TINAG: variants seen among roughly 807,000 people sequenced by gnomAD.
The protein encoded by TINAG is tubulointerstitial nephritis antigen.
TINAG carries 83 observed loss-of-function variants against 72.7 expected under a neutral mutation model. The observed-to-expected ratio is 1.14, with a 90% CI of 0.96 to 1.37. TINAG has a LOEUF of 1.37. TINAG is among the 40% of genes most tolerant of loss of function. The pLI is 0.00. For missense variants in TINAG, 685 were observed against 576.6 expected (o/e 1.19, Z -1.93); for synonymous variants, 234 against 189.9 (o/e 1.23, Z -1.91).
At chr6:54,356,031 T>C (rs1383759120) in intron 9 of TINAG, among the ~76,000 whole-genome samples, 1 of 151,876 alleles carries the variant, frequency 6.6e-6, no homozygotes, top group Non-Finnish European at 1.5e-5. Context: ...AAAGAAACAC[T>C]TTTCCATTTT....
At chr6:54,316,909 AT>A (rs1341295458) in intron 1 of TINAG, among the ~76,000 whole-genome samples, 7 of 152,106 alleles carry the variant, frequency 4.6e-5, no homozygotes, top group African/African-American at 1.7e-4. Context: ...CAAATATATT[AT>A]TTGCCTAATA....
upstream of TINAG, chr6:54,307,953 T>C: frequency 7.5e-7 from 1 of 1,342,158 alleles, no homozygotes; most frequent in Non-Finnish European, 1.0e-6. Context: ...AGCCTTGAAA[T>C]CAAAACGCTT....
chr6:54,320,242 A>C (rs1006291847), intron 1 of TINAG, among the ~76,000 whole-genome samples: 1 of 152,140 alleles, frequency 6.6e-6, no homozygotes, highest in Admixed American at 6.6e-5. Flanking sequence ...ACATGCCATA[A>C]ATCAATTCAA....
intron 4 of TINAG, among the ~76,000 whole-genome samples, chr6:54,340,335 T>C (rs1234981149): frequency 6.6e-6 from 1 of 151,952 alleles, no homozygotes; most frequent in African/African-American, 2.4e-5. Context: ...CTCAAGCCAG[T>C]GTCATTTTGG....
At chr6:54,380,994 T>TA (rs1763930292) in intron 10 of TINAG, among the ~76,000 whole-genome samples, 1 of 148,062 alleles carries the variant, frequency 6.8e-6, no homozygotes, top group East Asian at 2.0e-4. Flanking sequence ...TATATATATA[T>TA]TTATATGGCA....
intron 9 of TINAG, among the ~76,000 whole-genome samples, chr6:54,374,725 A>G (rs539111339): frequency 6.6e-6 from 1 of 152,038 alleles, no homozygotes; most frequent in Non-Finnish European, 1.5e-5. Context: ...ATTGACTTGA[A>G]GCCCATCTAG....
At chr6:54,328,063 G>A (rs1451062029) in intron 4 of TINAG, among the ~76,000 whole-genome samples, 1 of 152,138 alleles carries the variant, frequency 6.6e-6, no homozygotes. Context: ...AAATTTTCCT[G>A]TCTGCCAGAT....
At chr6:54,372,001 T>G (rs1475934622) in intron 9 of TINAG, among the ~76,000 whole-genome samples, 2 of 143,600 alleles carry the variant, frequency 1.4e-5, no homozygotes, top group African/African-American at 5.1e-5. Context: ...TTTTTTTTTT[T>G]TTTTTTTGAG....
chr6:54,369,754 T>C (rs1233600915), intron 9 of TINAG, among the ~76,000 whole-genome samples: 1 of 152,020 alleles, frequency 6.6e-6, no homozygotes, highest in Non-Finnish European at 1.5e-5. Flanking sequence ...TCAATCCTTA[T>C]GATTTAATTT....
intron 4 of TINAG, among the ~76,000 whole-genome samples, chr6:54,338,493 G>A (rs767488813): frequency 5.3e-5 from 8 of 151,932 alleles, no homozygotes; most frequent in Non-Finnish European, 8.8e-5. Context: ...AGGCCGAGGT[G>A]GGCGGATCAC....
chr6:54,322,544 A>G (rs1784516760), intron 3 of TINAG, among the ~76,000 whole-genome samples: 1 of 152,220 alleles, frequency 6.6e-6, no homozygotes, highest in South Asian at 2.1e-4. Context: ...AGAAAAGTGA[A>G]ATAATCTGGA....
chr6:54,343,378 A>G (rs1438255154), intron 5 of TINAG, 29 bp downstream of exon 5: 3 of 1,470,168 alleles, frequency 2.0e-6, no homozygotes, highest in African/African-American at 1.4e-5. Context: ...TTCCTTCCTT[A>G]TAAACTACTC....
chr6:54,386,550 C>T (rs1215667096), intron 10 of TINAG, among the ~76,000 whole-genome samples: 1 of 152,096 alleles, frequency 6.6e-6, no homozygotes, highest in Non-Finnish European at 1.5e-5. Flanking sequence ...ATGTGGCTCC[C>T]TCACACAGAG....
At chr6:54,355,121 A>C (rs1762994939) in intron 9 of TINAG, among the ~76,000 whole-genome samples, 1 of 151,922 alleles carries the variant, frequency 6.6e-6, no homozygotes, top group Non-Finnish European at 1.5e-5. Flanking sequence ...AATCTATGCA[A>C]GGGAAAGAAA....
intron 10 of TINAG, among the ~76,000 whole-genome samples, chr6:54,389,002 CCTTT>C (rs1239748895): frequency 6.6e-6 from 1 of 152,080 alleles, no homozygotes; most frequent in Non-Finnish European, 1.5e-5. Context: ...AATTTGCCCA[CCTTT>C]CTTTCCTGCT....
At chr6:54,381,103 T>C (rs187454478) in intron 10 of TINAG, among the ~76,000 whole-genome samples, 268 of 149,128 alleles carry the variant, frequency 1.8e-3, no homozygotes, top group African/African-American at 6.4e-3. Context: ...CGATAGGATA[T>C]ATATGTATAT....
rs3777657 is a variant in TINAG at position 54,314,972 on chromosome 6, A to T, written c.356-5607A>T. ...GACTATAAATGCTCCCATACAGATA[A>T]TTTTTTTTCTTTTGTTTTATCTTGC... On this transcript the variant is annotated intron_variant, in intron 1 of 10. Transcript: ENST00000259782. 9.9e-3 allele frequency among the ~76,000 whole-genome samples: 1,502 copies of T among 151,992 alleles called. 38 individuals are homozygous for T. Among genetic ancestry groups the T allele is most frequent in the East Asian group, 0.062 (321 of 5,158 alleles).
At chr6:54,309,851 A>AC (rs1471025803) in intron 1 of TINAG, among the ~76,000 whole-genome samples, 1 of 151,926 alleles carries the variant, frequency 6.6e-6, no homozygotes, top group Non-Finnish European at 1.5e-5. Context: ...TGTCAAAAAA[A>AC]AAAAAAAAAT....
intron 9 of TINAG, among the ~76,000 whole-genome samples, chr6:54,367,828 G>A (rs1356109469): frequency 6.6e-6 from 1 of 151,792 alleles, no homozygotes; most frequent in Non-Finnish European, 1.5e-5. Flanking sequence ...TTGGAGGATG[G>A]AAAGTCTAAG....
Sources: gnomAD v4.1 joint callset for allele counts (sites outside exome capture counted in the v4.1 genomes callset) on GRCh38, gnomAD v4.1.1 for gene constraint, MANE v1.5 for transcripts, NCBI Gene and HGNC (gene_info 2026-07-23, HGNC 2026-07-21) for gene names.